DYNC2H1: variants seen among roughly 807,000 people sequenced by gnomAD.
DYNC2H1 encodes the protein dynein cytoplasmic 2 heavy chain 1, also known as cytoplasmic dynein 2 heavy chain 1.
In DYNC2H1, 410 loss-of-function variants were observed where a neutral mutation model predicts 570.0. That is an observed-to-expected ratio of 0.72 (90% confidence interval 0.66 to 0.78). The LOEUF is 0.78. Among genes scored for constraint, DYNC2H1 ranks in the 30% least tolerant of loss-of-function variants. The pLI is 0.00. For missense variants in DYNC2H1, 4,865 were observed against 5,046.4 expected (o/e 0.96, Z 1.09); for synonymous variants, 1,688 against 1,677.6 (o/e 1.01, Z -0.15).
Position 103,157,406 on chromosome 11 carries a change from A to G in DYNC2H1, c.4127+636A>G, listed in dbSNP as rs548669642. Reference sequence around the variant, plus strand: ...CAAATAGTAGGCTAAAACTGAATCCATGAGCTTAATTTACCAGTTCCTTTC... The same window carrying G: ...CAAATAGTAGGCTAAAACTGAATCCGTGAGCTTAATTTACCAGTTCCTTTC... On this transcript the variant is annotated intron_variant, in intron 26 of 88. Transcript: ENST00000375735. The surrounding 1 kb of genome is among the most constrained non-coding windows in gnomAD (Gnocchi z 4.2). Among the ~76,000 whole-genome samples, 3 of 152,368 alleles carry G rather than the reference A, an allele frequency of 2.0e-5. No homozygotes were observed. The highest frequency in any genetic ancestry group is 7.2e-5 in the African/African-American group (3 of 41,592).
At chr11:103,335,478 G>GGGGGAAAACATA (rs111562901) in intron 82 of DYNC2H1, among the ~76,000 whole-genome samples, 66,591 of 151,704 alleles carry the variant, frequency 0.44, 15,469 homozygotes, top group Non-Finnish European at 0.53. Context: ...ATGTTTGGTT[G>GGGGGAAAACATA]GCTTCTGGCC....
chr11:103,118,409 A>G (rs149108618), intron 6 of DYNC2H1, among the ~76,000 whole-genome samples: 3 of 152,116 alleles, frequency 2.0e-5, no homozygotes, highest in Non-Finnish European at 4.4e-5. Context: ...AACATATTAA[A>G]AAGTAAAATA....
At chr11:103,283,121 C>A in intron 73 of DYNC2H1, 36 bp downstream of exon 73, 3 of 1,523,404 alleles carry the variant, frequency 2.0e-6, no homozygotes, top group African/African-American at 1.4e-5. Flanking sequence ...GTTTTAATTT[C>A]TTCTGTATTT....
intron 82 of DYNC2H1, among the ~76,000 whole-genome samples, chr11:103,332,312 GAAAA>G (rs71962098): frequency 0.051 from 6,251 of 122,530 alleles, 278 homozygotes; most frequent in East Asian, 0.21. Flanking sequence ...AAAAAACTGG[GAAAA>G]AAAAAAAAAA....
Position 103,326,644 on chromosome 11 carries a change from TACTC to T in DYNC2H1, c.12039+2656_12039+2659del, listed in dbSNP as rs984125676. On this transcript the variant is annotated intron_variant, in intron 82 of 88. Transcript: ENST00000375735. The surrounding 1 kb of genome is among the most constrained non-coding windows in gnomAD (Gnocchi z 6.1). ...AAGTGCCCCTAGGTTACTTGGAAAA[TACTC>T]AGATAGTGCGGAGCACTCAGGCAGG... Among the ~76,000 whole-genome samples the T allele has an allele frequency of 4.6e-5, 7 of 152,120 alleles. No homozygotes were observed. Among genetic ancestry groups the T allele is most frequent in the African/African-American group, 1.7e-4 (7 of 41,434 alleles).
chr11:103,257,163 G>T (rs1344706851), intron 68 of DYNC2H1, among the ~76,000 whole-genome samples: 5 of 152,132 alleles, frequency 3.3e-5, no homozygotes, highest in Non-Finnish European at 7.4e-5. Flanking sequence ...CCTTATAAAA[G>T]AAGGCCAAGG....
Position 103,173,308 on chromosome 11 carries a change from G to A in DYNC2H1, c.5558+3G>A, listed in dbSNP as rs1215941283. 2 of 1,531,172 alleles carry A rather than the reference G, an allele frequency of 1.3e-6. No individual in the cohort carries two copies. Among genetic ancestry groups the A allele is most frequent in the Admixed American group, 4.4e-5 (2 of 45,800 alleles). The allele number at this position is 1,531,172 out of a possible 1,614,324, so 94.8% of individuals were successfully genotyped here. Reference sequence around the variant, plus strand: ...GTAGCTATTTTCAATCTATCTAGGTGAGTTTTCTTGTTCTAAATATTTTTA... The same window carrying A: ...GTAGCTATTTTCAATCTATCTAGGTAAGTTTTCTTGTTCTAAATATTTTTA... On this transcript the variant is annotated splice_donor_region_variant and intron_variant, in intron 35 of 88. Coordinates refer to ENST00000375735, the MANE Select transcript of DYNC2H1 (RefSeq NM_001377.3).
rs1865964411 is a variant in DYNC2H1, at chr11:103,277,616, G to T, written c.10696-2732G>T. On this transcript the variant is annotated intron_variant, in intron 70 of 88. Coordinates refer to ENST00000375735, the MANE Select transcript of DYNC2H1 (RefSeq NM_001377.3). The surrounding 1 kb of genome is among the most constrained non-coding windows in gnomAD (Gnocchi z 4.3). The stretch of plus-strand genomic sequence containing the variant: ...TTGTTTTCTCCTGCTGATAATTTTG[G>T]ACCGTGAACCCATCTTCAGTGATAC... 6.6e-6 allele frequency among the ~76,000 whole-genome samples: 1 copy of T among 151,956 alleles called. No individual in the cohort carries two copies. The highest frequency in any genetic ancestry group is 1.5e-5 in the Non-Finnish European group (1 of 67,996).
Position 103,316,628 on chromosome 11 carries a change from C to G in DYNC2H1, c.11725+8C>G, listed in dbSNP as rs1397142660. The G allele has an allele frequency of 3.3e-6, 5 of 1,501,094 alleles. No individual in the cohort carries two copies. Among genetic ancestry groups the G allele is most frequent in the Non-Finnish European group, 4.4e-6 (5 of 1,127,678 alleles). 93.0% of individuals were successfully genotyped at this position (1,501,094 alleles called of 1,614,324 possible). A position where few individuals can be genotyped will look rare whatever the true frequency, so the allele number is the denominator to read the frequency against. On this transcript the variant is annotated splice_region_variant and intron_variant, in intron 80 of 88. Coordinates refer to ENST00000375735, the MANE Select transcript of DYNC2H1 (RefSeq NM_001377.3). ...TTGACAGACTTTTTGATGGTAAGTT[C>G]TAACAAAAATTTTAATCTCATATTA...
At chr11:103,222,933 G>C in intron 58 of DYNC2H1, 32 bp from the exon 59 acceptor site, 1 of 1,610,108 alleles carries the variant, frequency 6.2e-7, no homozygotes, top group South Asian at 1.1e-5. Flanking sequence ...AATTAAGTAA[G>C]GATGTTGAAT....
At chr11:103,376,530 A>G (rs768014249) in intron 83 of DYNC2H1, among the ~76,000 whole-genome samples, 1 of 152,094 alleles carries the variant, frequency 6.6e-6, no homozygotes, top group South Asian at 2.1e-4. Context: ...TGTAGTTGTA[A>G]CAGAGTATTT....
intron 82 of DYNC2H1, among the ~76,000 whole-genome samples, chr11:103,331,892 C>G (rs1470158362): frequency 6.6e-6 from 1 of 152,012 alleles, no homozygotes; most frequent in African/African-American, 2.4e-5. Context: ...AAAGCCGGCT[C>G]TACTAAAAAT....
intron 25 of DYNC2H1, 22 bp from the exon 26 acceptor site, chr11:103,156,366 A>G (rs772845768): frequency 5.0e-6 from 8 of 1,592,764 alleles, no homozygotes; most frequent in East Asian, 2.2e-5. Flanking sequence ...AGTAATAAAC[A>G]TGGATATTTT....
chr11:103,292,923 A>G (rs1308711620), intron 75 of DYNC2H1, among the ~76,000 whole-genome samples: 1 of 152,184 alleles, frequency 6.6e-6, no homozygotes, highest in Admixed American at 6.5e-5. Context: ...CATCTCAGGT[A>G]TTTCTTTATA....
chr11:103,371,672 T>A (rs150097643), intron 83 of DYNC2H1, among the ~76,000 whole-genome samples: 1 of 152,120 alleles, frequency 6.6e-6, no homozygotes, highest in Non-Finnish European at 1.5e-5. Flanking sequence ...ATGAAAAAAA[T>A]ATTTTACCCT....
rs17373638 is a variant in DYNC2H1 at position 103,136,061 on chromosome 11, T to C, written c.2574+113T>C. ...CCTTGTGTGGCATAACATTAAAATATGGCAAAGCAGAGAGCTGGATTCGTA... is the reference window on the plus strand; with the variant it reads ...CCTTGTGTGGCATAACATTAAAATACGGCAAAGCAGAGAGCTGGATTCGTA... On this transcript the variant is annotated intron_variant, in intron 17 of 88. Transcript: ENST00000375735. 0.11 allele frequency: 94,799 copies of C among 874,628 alleles called. 5,733 individuals carry two copies. The highest frequency in any genetic ancestry group is 0.11 in the East Asian group (3,938 of 34,254). 54.2% of individuals were successfully genotyped at this position (874,628 alleles called of 1,614,324 possible).
chr11:103,314,456 T>G (rs1462514743), intron 79 of DYNC2H1, among the ~76,000 whole-genome samples: 1 of 152,084 alleles, frequency 6.6e-6, no homozygotes, highest in Admixed American at 6.5e-5. Flanking sequence ...GGCATATATA[T>G]TCTTTTCAAC....
chr11:103,321,345 C>A, intron 81 of DYNC2H1, 108 bp downstream of exon 81: 1 of 1,134,380 alleles, frequency 8.8e-7, no homozygotes, highest in Non-Finnish European at 1.3e-6. Context: ...TAATTATTCA[C>A]AGTTTGGATT....
At chr11:103,216,139 C>T (rs1863374381) in intron 55 of DYNC2H1, among the ~76,000 whole-genome samples, 1 of 152,080 alleles carries the variant, frequency 6.6e-6, no homozygotes, top group African/African-American at 2.4e-5. Context: ...GATTTTATTT[C>T]TTATACTCTG....
Sources: allele counts gnomAD v4.1 joint callset (sites outside exome capture counted in the v4.1 genomes callset), GRCh38; gene constraint gnomAD v4.1.1; non-coding constraint Gnocchi (gnomAD v3.1); transcripts MANE v1.5; gene names NCBI Gene and HGNC (gene_info 2026-07-23, HGNC 2026-07-21).